Variants in SCML4 observed in about 807,000 individuals in gnomAD.
The protein encoded by SCML4 is sex comb on midleg-like protein 4.
SCML4 carries 34 observed loss-of-function variants against 41.1 expected under a neutral mutation model. That is an observed-to-expected ratio of 0.83 (90% CI 0.63 to 1.10). SCML4 has a LOEUF of 1.10. Among genes scored for constraint, SCML4 ranks in the 50% least tolerant of loss-of-function variants. The probability of loss-of-function intolerance (pLI) is 0.00; values close to 1 mark genes in which losing one functional copy is unlikely to be tolerated. For missense variants in SCML4, 522 were observed against 534.1 expected (o/e 0.98, Z 0.22); for synonymous variants, 214 against 220.9 (o/e 0.97, Z 0.28).
At chr6:107,741,701 G>A (rs1192044150) in intron 5 of SCML4, among the ~76,000 whole-genome samples, 4 of 152,220 alleles carry the variant, frequency 2.6e-5, no homozygotes, top group Admixed American at 2.6e-4. Flanking sequence ...TTTGGAAAGG[G>A]CAATGCTTCA....
At chr6:107,798,787 G>T (rs908403522) in intron 1 of SCML4, among the ~76,000 whole-genome samples, 1 of 151,970 alleles carries the variant, frequency 6.6e-6, no homozygotes, top group African/African-American at 2.4e-5. Context: ...TTAGTATGCT[G>T]AGCTTTCTTT....
intron 2 of SCML4, among the ~76,000 whole-genome samples, chr6:107,752,293 G>C (rs962065630): frequency 2.0e-5 from 3 of 151,952 alleles, no homozygotes; most frequent in Admixed American, 2.0e-4. Flanking sequence ...TCGAGTTTAA[G>C]ATACTTGCTA....
At chr6:107,813,707 C>T (rs773362162) in intron 1 of SCML4, among the ~76,000 whole-genome samples, 22 of 152,102 alleles carry the variant, frequency 1.4e-4, no homozygotes, top group Non-Finnish European at 2.8e-4. Context: ...CTGCGGTTAT[C>T]AGTCGCTGCT....
intron 1 of SCML4, among the ~76,000 whole-genome samples, chr6:107,789,904 C>T (rs1034562540): frequency 2.0e-4 from 30 of 152,198 alleles, no homozygotes; most frequent in African/African-American, 7.0e-4. Context: ...TACATACATG[C>T]ATATATTATT....
intron 1 of SCML4, among the ~76,000 whole-genome samples, chr6:107,818,233 T>C (rs1352122231): frequency 6.6e-6 from 1 of 152,080 alleles, no homozygotes; most frequent in Non-Finnish European, 1.5e-5. Context: ...AAATTCCCAA[T>C]AAAAGGGGCA....
At chr6:107,791,815 G>T (rs549323049) in intron 1 of SCML4, among the ~76,000 whole-genome samples, 1 of 152,148 alleles carries the variant, frequency 6.6e-6, no homozygotes, top group African/African-American at 2.4e-5. Context: ...TTAGCTGAGC[G>T]TGGTGGCTCG....
intron 1 of SCML4, among the ~76,000 whole-genome samples, chr6:107,801,823 C>T (rs954464254): frequency 2.6e-5 from 4 of 151,872 alleles, no homozygotes; most frequent in African/African-American, 4.8e-5. Flanking sequence ...CTGTCACCCA[C>T]GCTGGATCTC....
chr6:107,820,337 G>T (rs945199820), intron 1 of SCML4, among the ~76,000 whole-genome samples: 2 of 152,206 alleles, frequency 1.3e-5, no homozygotes, highest in African/African-American at 4.8e-5. Context: ...TCCTGAGGCT[G>T]TCCCTGAATG....
At chr6:107,758,282 G>A (rs908088949) in intron 2 of SCML4, among the ~76,000 whole-genome samples, 1 of 152,222 alleles carries the variant, frequency 6.6e-6, no homozygotes, top group Non-Finnish European at 1.5e-5. Context: ...ACTGGAGAAA[G>A]CTTTCCAGGC....
chr6:107,711,586 T>C (rs1728121), intron 6 of SCML4, among the ~76,000 whole-genome samples: 113,629 of 151,524 alleles, frequency 0.75, 42,784 homozygotes, highest in Admixed American at 0.81. Flanking sequence ...ATGTATCCCA[T>C]TGAGTGATGC....
At chr6:107,759,163 A>T (rs1354721826) in intron 2 of SCML4, among the ~76,000 whole-genome samples, 1 of 150,696 alleles carries the variant, frequency 6.6e-6, no homozygotes, top group South Asian at 2.1e-4. Flanking sequence ...AACCTGAAAC[A>T]AAACAAAACA....
At chr6:107,729,045 A>T (rs1776276771) in intron 5 of SCML4, among the ~76,000 whole-genome samples, 2 of 152,232 alleles carry the variant, frequency 1.3e-5, no homozygotes, top group South Asian at 4.1e-4. Flanking sequence ...CGGTGGCAGG[A>T]AGGAAAAGGA....
intron 5 of SCML4, among the ~76,000 whole-genome samples, chr6:107,733,382 GA>G (rs1776746228): frequency 6.6e-6 from 1 of 152,202 alleles, no homozygotes; most frequent in South Asian, 2.1e-4. Flanking sequence ...CTCTGCCAGG[GA>G]GTTTATGTTT....
At chr6:107,845,934 A>G in the SCML4 span, among the ~76,000 whole-genome samples, 1 of 152,300 alleles carries the variant, frequency 6.6e-6, no homozygotes, top group African/African-American at 2.4e-5. Context: ...GTTCCAGTGA[A>G]GGTCCTGTCC....
At chr6:107,708,288 C>T (rs1388597553) in intron 6 of SCML4, among the ~76,000 whole-genome samples, 1 of 152,156 alleles carries the variant, frequency 6.6e-6, no homozygotes, top group Non-Finnish European at 1.5e-5. Context: ...AGTGGATTCC[C>T]TTCAACAGGC....
intron 2 of SCML4, among the ~76,000 whole-genome samples, chr6:107,759,151 A>AAAAAAAAAAC (rs1562227294): frequency 4.7e-5 from 7 of 149,278 alleles, no homozygotes; most frequent in Non-Finnish European, 8.9e-5. Context: ...AAAAAAAAAA[A>AAAAAAAAAAC]AAACCTGAAA....
chr6:107,713,149 T>A (rs1774389699), intron 6 of SCML4, among the ~76,000 whole-genome samples: 1 of 152,202 alleles, frequency 6.6e-6, no homozygotes, highest in African/African-American at 2.4e-5. Flanking sequence ...ACTTGCACAC[T>A]CTCTGTGAAT....
At chr6:107,708,767 G>T (rs997701802) in intron 6 of SCML4, among the ~76,000 whole-genome samples, 2 of 152,186 alleles carry the variant, frequency 1.3e-5, no homozygotes, top group African/African-American at 4.8e-5. Context: ...GGAAATGGTT[G>T]CATAGGGCAT....
chr6:107,755,039 G>C (rs1778988307), intron 2 of SCML4, among the ~76,000 whole-genome samples: 1 of 151,944 alleles, frequency 6.6e-6, no homozygotes, highest in South Asian at 2.1e-4. Context: ...AGGAGATCGA[G>C]GCTGCAGTGA....
Sources: gnomAD v4.1 joint callset for allele counts (sites outside exome capture counted in the v4.1 genomes callset) on GRCh38, gnomAD v4.1.1 for gene constraint, MANE v1.5 for transcripts, NCBI Gene and HGNC (gene_info 2026-07-23, HGNC 2026-07-21) for gene names.